MGAT4A: variants seen among roughly 807,000 people sequenced by gnomAD.
The protein encoded by MGAT4A is alpha-1,3-mannosyl-glycoprotein 4-beta-N-acetylglucosaminyltransferase A.
In MGAT4A, 33 loss-of-function variants were observed where a neutral mutation model predicts 74.1. The observed-to-expected ratio is 0.45, with a 90% CI of 0.34 to 0.60. The LOEUF (loss-of-function observed/expected upper bound fraction) is 0.60. Ranked by LOEUF, MGAT4A falls within the 20% of genes least tolerant of loss-of-function variation. The pLI, the probability that MGAT4A is intolerant of heterozygous loss-of-function variation, is 0.02. For missense variants in MGAT4A, 479 were observed against 628.3 expected, an observed-to-expected ratio of 0.76 and a Z score of 2.54; for synonymous variants, 198 against 210.4, an observed-to-expected ratio of 0.94 and a Z score of 0.51.
At chr2:98,714,515 G>A (rs1702565479) in intron 2 of MGAT4A, among the ~76,000 whole-genome samples, 1 of 152,206 alleles carries the variant, frequency 6.6e-6, no homozygotes, top group African/African-American at 2.4e-5. Context: ...GGTGGACGTG[G>A]AAATAGCTGA....
In MGAT4A at chr2:98,726,350, C is replaced by G; in HGVS notation, c.-18G>C. On this transcript the variant is annotated 5_prime_UTR_variant, in exon 2 of 16. Transcript: ENST00000393487. ...AGCCTCATCTCATTTCACCATCACA[C>G]TGGTCCATATGTTTATGATGACAAC... The G allele has an allele frequency of 6.2e-7, 1 of 1,604,418 alleles. No homozygotes were observed. Among genetic ancestry groups the G allele is most frequent in the Non-Finnish European group, 8.5e-7 (1 of 1,171,740 alleles).
At chr2:98,632,900 C>T (rs1005224488) in intron 14 of MGAT4A, among the ~76,000 whole-genome samples, 4 of 152,246 alleles carry the variant, frequency 2.6e-5, no homozygotes, top group South Asian at 2.1e-4. Flanking sequence ...GCTGGAACTA[C>T]AGGCATGCAC....
In MGAT4A at chr2:98,664,200, C is replaced by CAAAAAA. The variant is rs57981145; in HGVS notation, c.404-1027_404-1022dup. Among the ~76,000 whole-genome samples, 106 of 51,468 alleles carry CAAAAAA rather than the reference C, an allele frequency of 2.1e-3. 1 individual carries two copies. Among genetic ancestry groups the CAAAAAA allele is most frequent in the Non-Finnish European group, 2.9e-3 (80 of 27,674 alleles). 33.8% of individuals were successfully genotyped at this position (51,468 alleles called of 152,430 possible). On this transcript the variant is annotated intron_variant, in intron 4 of 15. Transcript: ENST00000393487. ...TGGGTGACAAAGCAAGATTCCATCTCAAAAAAAAAAAAAAAAAAAAAAAAA... is the reference window on the plus strand; with the variant it reads ...TGGGTGACAAAGCAAGATTCCATCTCAAAAAAAAAAAAAAAAAAAAAAAAAAAAAAA...
intron 8 of MGAT4A, among the ~76,000 whole-genome samples, chr2:98,654,355 AAAG>A (rs781355024): frequency 1.3e-4 from 20 of 152,170 alleles, no homozygotes; most frequent in African/African-American, 4.3e-4. Context: ...CCAAACCGGA[AAAG>A]AAGAAGTAAA....
At position 98,622,094 on chromosome 2, in the gene MGAT4A, T is replaced by G. The variant is rs980621737; in HGVS notation, c.*3472A>C. 2 of 985,234 alleles carry G rather than the reference T, an allele frequency of 2.0e-6. No homozygotes were observed. The highest frequency in any genetic ancestry group is 3.5e-5 in the African/African-American group (2 of 57,252). 61.0% of individuals were successfully genotyped at this position (985,234 alleles called of 1,614,324 possible). A position where few individuals can be genotyped will look rare whatever the true frequency, so the allele number is the denominator to read the frequency against. On this transcript the variant is annotated 3_prime_UTR_variant, in exon 16 of 16. Coordinates refer to ENST00000393487, the MANE Select transcript of MGAT4A (RefSeq NM_012214.3). ...ACTAAGATAAAGAACTTAAGAAATC[T>G]TACATCTTAGAATCCTAGAAATGGG...
Position 98,624,654 on chromosome 2 carries a change from T to C in MGAT4A, c.*912A>G. The C allele has an allele frequency of 1.0e-6, 1 of 982,516 alleles. No homozygotes were observed. The highest frequency in any genetic ancestry group is 1.1e-4 in the East Asian group (1 of 8,798). The allele number at this position is 982,516 out of a possible 1,614,324, so 60.9% of individuals were successfully genotyped here. A position where few individuals can be genotyped will look rare whatever the true frequency, so the allele number is the denominator to read the frequency against. On this transcript the variant is annotated 3_prime_UTR_variant, in exon 16 of 16. Coordinates refer to ENST00000393487, the MANE Select transcript of MGAT4A (RefSeq NM_012214.3). ...AACAGCAGATAATGCACCTAATTCA[T>C]GGATTAAAGACAAAGATTAAAAAGG...
chr2:98,660,456 AC>A (rs1300549991), intron 5 of MGAT4A, among the ~76,000 whole-genome samples: 2 of 144,304 alleles, frequency 1.4e-5, no homozygotes, highest in East Asian at 2.1e-4. Context: ...ACACACACAC[AC>A]AACAAATAGC....
chr2:98,698,400 G>C (rs958697570), intron 2 of MGAT4A, among the ~76,000 whole-genome samples: 6 of 152,146 alleles, frequency 3.9e-5, no homozygotes, highest in African/African-American at 1.4e-4. Context: ...CTGGGCAACA[G>C]AGCAAGACTC....
At chr2:98,729,551 G>A (rs1460986039) in intron 1 of MGAT4A, among the ~76,000 whole-genome samples, 1 of 152,160 alleles carries the variant, frequency 6.6e-6, no homozygotes, top group Non-Finnish European at 1.5e-5. Context: ...ACAAAAAAAG[G>A]TAGTGGCTAA....
chr2:98,718,706 C>G (rs1477134529), intron 2 of MGAT4A, among the ~76,000 whole-genome samples: 2 of 152,186 alleles, frequency 1.3e-5, no homozygotes, highest in Admixed American at 6.5e-5. Flanking sequence ...AAGTCCCAGG[C>G]AAGTGCAATT....
chr2:98,664,158 G>GC (rs1451266064), intron 4 of MGAT4A, among the ~76,000 whole-genome samples: 1 of 118,450 alleles, frequency 8.4e-6, no homozygotes, highest in Non-Finnish European at 1.6e-5. Flanking sequence ...CTGAGATTGT[G>GC]CCCCTGCACT....
intron 2 of MGAT4A, among the ~76,000 whole-genome samples, chr2:98,700,905 A>C (rs1434319135): frequency 1.3e-5 from 2 of 152,242 alleles, no homozygotes; most frequent in Admixed American, 6.5e-5. Flanking sequence ...AAAAAAAAAA[A>C]AACAATCTAT....
intron 3 of MGAT4A, 51 bp downstream of exon 3, chr2:98,678,253 T>A (rs765749155): frequency 1.1e-3 from 326 of 299,320 alleles, no homozygotes; most frequent in Middle Eastern, 1.4e-3. Context: ...AAAAAAAATA[T>A]ATATATATAT....
At chr2:98,681,615 T>A (rs1702060956) in intron 2 of MGAT4A, among the ~76,000 whole-genome samples, 1 of 152,086 alleles carries the variant, frequency 6.6e-6, no homozygotes, top group Non-Finnish European at 1.5e-5. Context: ...ACTTAAGCAG[T>A]GCCTAGATAC....
intron 14 of MGAT4A, among the ~76,000 whole-genome samples, chr2:98,631,003 G>A (rs1259181345): frequency 6.6e-6 from 1 of 152,208 alleles, no homozygotes. Context: ...TGACAGGGAC[G>A]GCCAAGGGCT....
Position 98,621,891 on chromosome 2 carries a change from T to C in MGAT4A, c.*3675A>G. ...TAGTGCAACCACTGATTTGAGAAGA[T>C]ACACACTTTGTTCAAGGGTATTCAA... On this transcript the variant is annotated 3_prime_UTR_variant, in exon 16 of 16. Coordinates refer to ENST00000393487, the MANE Select transcript of MGAT4A (RefSeq NM_012214.3). 12 of 1,001,396 alleles carry C rather than the reference T, an allele frequency of 1.2e-5. No individual in the cohort carries two copies. The highest frequency in any genetic ancestry group is 4.3e-5 in the South Asian group (1 of 23,102). 62.0% of individuals were successfully genotyped at this position (1,001,396 alleles called of 1,614,324 possible).
Position 98,622,080 on chromosome 2 carries a change from G to A in MGAT4A, c.*3486C>T. On this transcript the variant is annotated 3_prime_UTR_variant, in exon 16 of 16. Coordinates refer to ENST00000393487, the MANE Select transcript of MGAT4A (RefSeq NM_012214.3). Reference sequence around the variant, plus strand: ...GGAGAATGCATGAGACTAAGATAAAGAACTTAAGAAATCTTACATCTTAGA... The same window carrying A: ...GGAGAATGCATGAGACTAAGATAAAAAACTTAAGAAATCTTACATCTTAGA... 1 of 985,406 alleles carries A rather than the reference G, an allele frequency of 1.0e-6. No individual in the cohort carries two copies. Among genetic ancestry groups the A allele is most frequent in the Non-Finnish European group, 1.2e-6 (1 of 829,912 alleles). The allele number at this position is 985,406 out of a possible 1,614,324, so 61.0% of individuals were successfully genotyped here.
chr2:98,647,625 G>A (rs761921654), intron 8 of MGAT4A, among the ~76,000 whole-genome samples: 36 of 152,188 alleles, frequency 2.4e-4, no homozygotes, highest in Non-Finnish European at 3.4e-4. Flanking sequence ...GGCCCATAAC[G>A]CGCTTTCTTA....
At position 98,635,215 on chromosome 2, in the gene MGAT4A, A is replaced by G. The variant is rs373239023; in HGVS notation, c.1468+7T>C. 2.4e-5 allele frequency: 38 copies of G among 1,597,158 alleles called. No homozygotes were observed. The African/African-American group carries it at 2.7e-4, about 11-fold the overall frequency. ...AATAAAGGCCATTTTACTAAAGTAG[A>G]TATTACCTATTCTGAAATAGCCATC... On this transcript the variant is annotated splice_region_variant and intron_variant, in intron 14 of 15. Transcript: ENST00000393487.
Sources: allele counts gnomAD v4.1 joint callset (sites outside exome capture counted in the v4.1 genomes callset), GRCh38; gene constraint gnomAD v4.1.1; transcripts MANE v1.5; gene names NCBI Gene and HGNC (gene_info 2026-07-23, HGNC 2026-07-21).